Variants in UTRN observed in about 807,000 individuals in gnomAD.
UTRN encodes the protein dystrophin-related protein 1.
Under a neutral mutation model 463.9 loss-of-function variants are expected in UTRN, and 283 were observed. The ratio of observed to expected loss-of-function variants is 0.61; its 90% CI spans 0.55 to 0.67. The LOEUF is 0.67. Among genes scored for constraint, UTRN ranks in the 30% least tolerant of loss-of-function variants. The pLI is 0.00. For missense variants in UTRN, 3,922 were observed against 4,084.3 expected (o/e 0.96, Z 1.08); for synonymous variants, 1,442 against 1,431.5 (o/e 1.01, Z -0.17).
chr6:144,529,483 T>G (rs1796853484), intron 41 of UTRN, among the ~76,000 whole-genome samples: 1 of 152,232 alleles, frequency 6.6e-6, no homozygotes. Context: ...TTTTTCTCTC[T>G]GTCACTGATG....
intron 60 of UTRN, among the ~76,000 whole-genome samples, chr6:144,781,445 G>A (rs1319387516): frequency 6.6e-6 from 1 of 152,128 alleles, no homozygotes; most frequent in Non-Finnish European, 1.5e-5. Context: ...ATGTAATGAT[G>A]TACATGATAA....
At chr6:144,597,200 T>A (rs1803744863) in intron 51 of UTRN, among the ~76,000 whole-genome samples, 1 of 144,198 alleles carries the variant, frequency 6.9e-6, no homozygotes, top group Non-Finnish European at 1.5e-5. Flanking sequence ...ATTGTACCAC[T>A]GCACTCCAGC....
chr6:144,744,630 T>TACACAC (rs199802269), intron 54 of UTRN, among the ~76,000 whole-genome samples: 1 of 55,198 alleles, frequency 1.8e-5, no homozygotes, highest in Non-Finnish European at 2.8e-5. Flanking sequence ...CACACACACA[T>TACACAC]ACACACACAC....
At chr6:144,639,513 G>A (rs141961558) in intron 51 of UTRN, among the ~76,000 whole-genome samples, 240 of 152,164 alleles carry the variant, frequency 1.6e-3, no homozygotes, top group Non-Finnish European at 2.1e-3. Flanking sequence ...ATACAAGTTC[G>A]TGATTCAACA....
chr6:144,552,119 A>C (rs907550323), intron 48 of UTRN, among the ~76,000 whole-genome samples: 1 of 152,228 alleles, frequency 6.6e-6, no homozygotes, highest in Non-Finnish European at 1.5e-5. Context: ...CTACCTAATA[A>C]ATATTTGTGA....
At position 144,554,699 on chromosome 6, in the gene UTRN, A is replaced by G; in HGVS notation, c.6940A>G (p.Lys2314Glu). Residue 2314 changes from lysine to glutamate, a missense_variant, in exon 49 of 75, where the codon AAG (lysine) becomes GAG (glutamate). Lys to Glu is a moderately conservative substitution (Grantham distance 56). Transcript: ENST00000367545. ...TAITEKLERVKNQWDGTQHGV... is the reference protein window; with the variant it reads ...TAITEKLERVENQWDGTQHGV... ...AATGCTACCCTCAGTGGAAAGGGTC[A>G]AGAACCAGTGGGATGGCACCCAGCA... The G allele has an allele frequency of 6.2e-7, 1 of 1,613,988 alleles. No homozygotes were observed. The highest frequency in any genetic ancestry group is 8.5e-7 in the Non-Finnish European group (1 of 1,179,938).
chr6:144,572,945 T>G (rs1339181062), intron 50 of UTRN, among the ~76,000 whole-genome samples: 2 of 152,228 alleles, frequency 1.3e-5, no homozygotes, highest in Non-Finnish European at 2.9e-5. Context: ...ATGGTATTTC[T>G]GGTTCTAGAT....
intron 23 of UTRN, among the ~76,000 whole-genome samples, chr6:144,470,288 C>T (rs935858284): frequency 1.3e-5 from 2 of 151,786 alleles, no homozygotes; most frequent in African/African-American, 2.4e-5. Context: ...CGGGCAGAGG[C>T]GCCCCCCACC....
At chr6:144,841,055 A>G (rs1043528084) in intron 73 of UTRN, among the ~76,000 whole-genome samples, 1 of 152,202 alleles carries the variant, frequency 6.6e-6, no homozygotes, top group South Asian at 2.1e-4. Flanking sequence ...GCTCTTTGAG[A>G]TTTTTCAATA....
intron 51 of UTRN, among the ~76,000 whole-genome samples, chr6:144,667,842 A>G (rs1423213715): frequency 6.6e-6 from 1 of 152,182 alleles, no homozygotes; most frequent in East Asian, 1.9e-4. Context: ...ACCTTGAATC[A>G]TTATCTGGCT....
At chr6:144,396,653 C>G (rs4301321) in intron 2 of UTRN, among the ~76,000 whole-genome samples, 21,340 of 152,042 alleles carry the variant, frequency 0.14, 4,285 homozygotes, top group African/African-American at 0.44. Flanking sequence ...TAGGTGAGTT[C>G]TATGGTAGGT....
intron 42 of UTRN, among the ~76,000 whole-genome samples, chr6:144,532,399 A>G (rs1797141426): frequency 6.6e-6 from 1 of 152,186 alleles, no homozygotes; most frequent in Non-Finnish European, 1.5e-5. Flanking sequence ...GGAAGGGGAA[A>G]GAAACATGTC....
intron 2 of UTRN, among the ~76,000 whole-genome samples, chr6:144,374,552 C>T (rs558498276): frequency 1.5e-4 from 22 of 151,506 alleles, no homozygotes; most frequent in Non-Finnish European, 1.2e-4. Flanking sequence ...GGCGTGATCT[C>T]GGCTCATTGC....
intron 2 of UTRN, among the ~76,000 whole-genome samples, chr6:144,374,094 T>C (rs968695095): frequency 1.3e-5 from 2 of 152,198 alleles, no homozygotes; most frequent in Non-Finnish European, 2.9e-5. Context: ...TATAATTGGG[T>C]ACTCTCAACT....
rs183196367 is a variant in UTRN at position 144,349,806 on chromosome 6, A to T, written c.80-53317A>T. On this transcript the variant is annotated intron_variant, in intron 2 of 74. Coordinates refer to ENST00000367545, the MANE Select transcript of UTRN (RefSeq NM_007124.3). ...GAGGGCACCAGGTGCTTCCTATTCT[A>T]ACCGTTTGCAAATTCAAGACTTGGT... Among the ~76,000 whole-genome samples the T allele has an allele frequency of 1.0e-3, 154 of 152,262 alleles. 1 individual carries two copies. The highest frequency in any genetic ancestry group is 3.4e-3 in the Middle Eastern group (1 of 294).
intron 61 of UTRN, 132 bp from the exon 62 acceptor site, chr6:144,789,062 T>A (rs994895506): frequency 4.3e-6 from 3 of 695,206 alleles, no homozygotes; most frequent in Non-Finnish European, 7.3e-6. Context: ...TAAAAGTTAA[T>A]AGAAAAGTTG....
rs986735556 is a variant in UTRN, at chr6:144,286,789, G to GAGCA, written c.-93+969_-93+970insGCAA. ...TGCCCGACCTCCGAGAGAGCTGTGG[G>GAGCA]ACCAGCACTTTATTTTACAAGGAAC... is the stretch of plus-strand genomic sequence containing the variant. On this transcript the variant is annotated intron_variant, in intron 1 of 74. Transcript: ENST00000367545. The surrounding 1 kb of genome is among the most constrained non-coding windows in gnomAD (Gnocchi z 4.4). Among the ~76,000 whole-genome samples, 10 of 152,006 alleles carry GAGCA rather than the reference G, an allele frequency of 6.6e-5. No homozygotes were observed. The highest frequency in any genetic ancestry group is 2.4e-4 in the African/African-American group (10 of 41,368).
At chr6:144,642,757 C>T (rs1777898909) in intron 51 of UTRN, among the ~76,000 whole-genome samples, 1 of 152,068 alleles carries the variant, frequency 6.6e-6, no homozygotes, top group African/African-American at 2.4e-5. Flanking sequence ...ACTATATAGT[C>T]TTCCCTAGAA....
chr6:144,522,508 A>G (rs890946090), intron 40 of UTRN, among the ~76,000 whole-genome samples: 2 of 152,190 alleles, frequency 1.3e-5, no homozygotes, highest in Non-Finnish European at 2.9e-5. Context: ...CAGGCAATCT[A>G]TAATGGTTTA....
Sources: gnomAD v4.1 joint callset for allele counts (sites outside exome capture counted in the v4.1 genomes callset) on GRCh38, gnomAD v4.1.1 for gene constraint, Gnocchi (gnomAD v3.1) non-coding constraint, MANE v1.5 for transcripts, NCBI Gene and HGNC (gene_info 2026-07-23, HGNC 2026-07-21) for gene names.